Variants in MAN1A1 observed in about 807,000 individuals in gnomAD.
MAN1A1 encodes mannosyl-oligosaccharide 1,2-alpha-mannosidase IA.
A neutral mutation model predicts 70.8 loss-of-function variants in MAN1A1; 29 were observed. The ratio of observed to expected loss-of-function variants is 0.41; its 90% CI spans 0.31 to 0.56. The LOEUF (loss-of-function observed/expected upper bound fraction) is 0.56, where lower values mean the gene tolerates loss of function less well. MAN1A1 is among the 20% of genes least tolerant of loss of function. The probability of loss-of-function intolerance (pLI) is 0.29; values close to 1 mark genes in which losing one functional copy is unlikely to be tolerated. For synonymous variants in MAN1A1, 349 were observed against 330.1 expected, an observed-to-expected ratio of 1.06 and a Z score of -0.62; for missense variants, 747 against 841.3, an observed-to-expected ratio of 0.89 and a Z score of 1.39.
chr6:119,260,976 G>GCTTGTTTTTTT (rs1554209499), intron 5 of MAN1A1, among the ~76,000 whole-genome samples: 1 of 116,942 alleles, frequency 8.6e-6, no homozygotes. Context: ...TTTTTTTATT[G>GCTTGTTTTTTT]TTTTTTTTTT....
At position 119,349,152 on chromosome 6, in the gene MAN1A1, C is replaced by T; in HGVS notation, c.-87G>A. 8.1e-7 allele frequency: 1 copy of T among 1,236,076 alleles called. No homozygotes were observed. The highest frequency in any genetic ancestry group is 3.6e-5 in the South Asian group (1 of 27,560). 76.6% of individuals were successfully genotyped at this position (1,236,076 alleles called of 1,614,324 possible). On this transcript the variant is annotated 5_prime_UTR_variant, in exon 2 of 13. Coordinates refer to ENST00000368468, the MANE Select transcript of MAN1A1 (RefSeq NM_005907.4). ...GGAGTCCGCGGCTGCGGGGCTGGGT[C>T]CTGCGTAGCCAGGCCGCCCGACCCC...
At chr6:119,192,323 A>C (rs1366351789) in intron 9 of MAN1A1, among the ~76,000 whole-genome samples, 1 of 152,184 alleles carries the variant, frequency 6.6e-6, no homozygotes. Flanking sequence ...TAAACCTAAA[A>C]GAGGCCATGT....
At chr6:119,224,285 G>A (rs984658645) in intron 6 of MAN1A1, among the ~76,000 whole-genome samples, 2 of 152,214 alleles carry the variant, frequency 1.3e-5, no homozygotes, top group African/African-American at 4.8e-5. Context: ...TATAGACTGA[G>A]TACTCCTGAA....
At chr6:119,199,741 CAA>C (rs11383265) in intron 8 of MAN1A1, among the ~76,000 whole-genome samples, 4 of 140,976 alleles carry the variant, frequency 2.8e-5, no homozygotes, top group African/African-American at 2.6e-5. Flanking sequence ...TTCTCTCTAC[CAA>C]AAAAAAAAAA....
chr6:119,272,736 A>G (rs1197496573), intron 5 of MAN1A1, among the ~76,000 whole-genome samples: 87 of 152,182 alleles, frequency 5.7e-4, no homozygotes, highest in Admixed American at 5.5e-3. Flanking sequence ...CGATTGATTT[A>G]TGAATGTGTG....
chr6:119,249,713 C>T (rs939516606), intron 5 of MAN1A1, among the ~76,000 whole-genome samples: 1 of 152,178 alleles, frequency 6.6e-6, no homozygotes, highest in Admixed American at 6.5e-5. Context: ...AGCCTCTCCA[C>T]TGAGACATCC....
chr6:119,346,867 G>C (rs954325555), intron 2 of MAN1A1, among the ~76,000 whole-genome samples: 5 of 152,200 alleles, frequency 3.3e-5, no homozygotes, highest in Admixed American at 2.6e-4. Flanking sequence ...GGCAGATACA[G>C]ATCATTTGGG....
intron 5 of MAN1A1, among the ~76,000 whole-genome samples, chr6:119,290,353 T>C (rs769249883): frequency 6.6e-6 from 1 of 152,004 alleles, no homozygotes; most frequent in Non-Finnish European, 1.5e-5. Flanking sequence ...AAGAAAAAAA[T>C]TCATCCACAA....
intron 8 of MAN1A1, among the ~76,000 whole-genome samples, chr6:119,198,044 C>G (rs368419554): frequency 6.6e-6 from 1 of 152,210 alleles, no homozygotes; most frequent in Non-Finnish European, 1.5e-5. Flanking sequence ...GAGGAATACT[C>G]CAAAAATGCT....
At chr6:119,269,562 C>A in intron 5 of MAN1A1, 1 of 195,428 alleles carries the variant, frequency 5.1e-6, no homozygotes, top group East Asian at 1.4e-4. Context: ...CCAGGTACTC[C>A]AACCTGTTTC....
chr6:119,206,875 T>G (rs1315468729), intron 6 of MAN1A1, among the ~76,000 whole-genome samples: 1 of 152,134 alleles, frequency 6.6e-6, no homozygotes, highest in Non-Finnish European at 1.5e-5. Context: ...TAAGGCAATA[T>G]CAGGGTAAGA....
At chr6:119,292,208 T>G (rs1772049318) in intron 4 of MAN1A1, among the ~76,000 whole-genome samples, 1 of 152,076 alleles carries the variant, frequency 6.6e-6, no homozygotes, top group Admixed American at 6.6e-5. Context: ...CTAGGTAAGT[T>G]AGAATAGCTA....
chr6:119,267,114 C>T (rs988851502), intron 5 of MAN1A1, among the ~76,000 whole-genome samples: 18 of 152,188 alleles, frequency 1.2e-4, no homozygotes, highest in East Asian at 1.9e-4. Flanking sequence ...TGTGAAACAA[C>T]GGGAACTTTC....
intron 6 of MAN1A1, among the ~76,000 whole-genome samples, chr6:119,240,001 T>C (rs1182619618): frequency 6.6e-6 from 1 of 152,252 alleles, no homozygotes; most frequent in Non-Finnish European, 1.5e-5. Context: ...TTTGAAATTG[T>C]TGCATTAAAA....
intron 2 of MAN1A1, among the ~76,000 whole-genome samples, chr6:119,346,623 G>T (rs1001066659): frequency 6.6e-6 from 1 of 152,186 alleles, no homozygotes; most frequent in Non-Finnish European, 1.5e-5. Flanking sequence ...GGATGGATAT[G>T]CACACTGTTA....
intron 5 of MAN1A1, among the ~76,000 whole-genome samples, chr6:119,260,110 G>A (rs1188995455): frequency 2.0e-5 from 3 of 152,100 alleles, no homozygotes; most frequent in Non-Finnish European, 4.4e-5. Flanking sequence ...TTTCTATAGA[G>A]GGTTAGATAG....
intron 2 of MAN1A1, among the ~76,000 whole-genome samples, chr6:119,337,063 C>T: frequency 6.6e-6 from 1 of 152,106 alleles, no homozygotes; most frequent in East Asian, 1.9e-4. Context: ...ACATTTATTT[C>T]AGCAGTGTTG....
At chr6:119,263,219 T>G (rs1441535413) in intron 5 of MAN1A1, among the ~76,000 whole-genome samples, 1 of 152,010 alleles carries the variant, frequency 6.6e-6, no homozygotes. Context: ...TTAATACTTA[T>G]AGTTTATTAA....
intron 5 of MAN1A1, among the ~76,000 whole-genome samples, chr6:119,249,898 G>T (rs1775271848): frequency 6.6e-6 from 1 of 152,130 alleles, no homozygotes; most frequent in African/African-American, 2.4e-5. Flanking sequence ...AGTCAATAAA[G>T]AAATGACTTT....
Sources: gnomAD v4.1 joint callset for allele counts (sites outside exome capture counted in the v4.1 genomes callset) on GRCh38, gnomAD v4.1.1 for gene constraint, MANE v1.5 for transcripts, NCBI Gene and HGNC (gene_info 2026-07-23, HGNC 2026-07-21) for gene names.